SERINC2: variants seen among roughly 807,000 people sequenced by gnomAD.
SERINC2 encodes the protein tumor differentially expressed protein 2.
In SERINC2, 56 loss-of-function variants were observed where a neutral mutation model predicts 54.2. The observed-to-expected ratio is 1.03, with a 90% CI of 0.83 to 1.29. The LOEUF (loss-of-function observed/expected upper bound fraction) is 1.29, where lower values mean the gene tolerates loss of function less well. Among genes scored for constraint, SERINC2 ranks in the 50% most tolerant of loss-of-function variants. The pLI is 0.00. For synonymous variants in SERINC2, 272 were observed against 253.1 expected (o/e 1.07, Z -0.71); for missense variants, 614 against 607.4 (o/e 1.01, Z -0.12).
intron 8 of SERINC2, among the ~76,000 whole-genome samples, chr1:31,432,230 G>GGGTGGAGA (rs1553134789): frequency 2.0e-5 from 3 of 151,564 alleles, no homozygotes; most frequent in Non-Finnish European, 1.5e-5. Flanking sequence ...AGGGTGGATA[G>GGGTGGAGA]GGACCCACTG....
At position 31,433,016 on chromosome 1, in the gene SERINC2, G is replaced by C; in HGVS notation, c.1063G>C (p.Glu355Gln). 3.1e-6 allele frequency: 5 copies of C among 1,608,888 alleles called. No individual in the cohort carries two copies. The South Asian group carries it at 5.5e-5, about 18-fold the overall frequency. ...GGTGAACAGCCTGATGCAGACCGAG[G>C]AGTGCCCACCTATGCTAGACGCCAC... ...RQVNSLMQTE[E>Q]CPPMLDATQQ... Residue 355 changes from glutamate to glutamine, a missense_variant, in exon 9 of 10, where the codon GAG becomes CAG. Coordinates refer to ENST00000373709, the MANE Select transcript of SERINC2 (RefSeq NM_178865.5).
chr1:31,433,176 A>C lies in SERINC2; in HGVS notation c.1223A>C (p.Asn408Thr), dbSNP rs782741677. The change falls in exon 9 of 10, where the codon AAC becomes ACC. Residue 408 changes from asparagine to threonine, a missense_variant. Asn to Thr is a moderately conservative substitution (Grantham distance 65, BLOSUM62 0). Coordinates refer to ENST00000373709, the MANE Select transcript of SERINC2 (RefSeq NM_178865.5). Reference sequence around the variant, plus strand: ...CTGCACGTCATGATGACGCTCACCAACTGGTACAAGTGCGTAGCTGGTGGG... The same window carrying C: ...CTGCACGTCATGATGACGCTCACCACCTGGTACAAGTGCGTAGCTGGTGGG... ...ASLHVMMTLT[N>T]WYKPGETRKM... is the part of the protein sequence containing the mutation. The C allele has an allele frequency of 4.3e-6, 7 of 1,613,346 alleles. No individual in the cohort carries two copies. The highest frequency in any genetic ancestry group is 5.9e-6 in the Non-Finnish European group (7 of 1,179,852).
At chr1:31,425,286 G>T (rs1570046545) in intron 3 of SERINC2, 44 bp from the exon 4 acceptor site, 1 of 1,425,354 alleles carries the variant, frequency 7.0e-7, no homozygotes. Flanking sequence ...CAGTTTCCCT[G>T]CCTGCACTCA....
intron 6 of SERINC2, among the ~76,000 whole-genome samples, chr1:31,427,695 C>A (rs1641081766): frequency 6.6e-6 from 1 of 152,132 alleles, no homozygotes. Flanking sequence ...CCATCCTCAT[C>A]CTCACTTTGC....
intron 1 of SERINC2, chr1:31,414,399 G>T: frequency 2.6e-6 from 3 of 1,148,530 alleles, no homozygotes; most frequent in Middle Eastern, 3.6e-4. Context: ...CTCGGGACTC[G>T]CTTTCCTTTG....
intron 1 of SERINC2, chr1:31,415,908 GTGGGTCCTGCTT>G (rs1553132147): frequency 1.0e-6 from 1 of 985,490 alleles, no homozygotes; most frequent in African/African-American, 1.7e-5. Flanking sequence ...TGGGCTGAAG[GTGGGTCCTGCTT>G]TGGATGGGGA....
In SERINC2 at chr1:31,425,403, A is replaced by G; in HGVS notation, c.466A>G (p.Thr156Ala). 6.2e-7 allele frequency: 1 copy of G among 1,608,780 alleles called. No individual in the cohort carries two copies. Among genetic ancestry groups the G allele is most frequent in the Non-Finnish European group, 8.5e-7 (1 of 1,175,132 alleles). The stretch of plus-strand genomic sequence containing the variant: ...CTTCTACATTCCTGACGGCTCCTTC[A>G]CCAACAGTAGGCGGACTTGGCAGGA... ...GAFYIPDGSF[T>A]NIWFYFGVVG... The change falls in exon 4 of 10, where the codon ACC (threonine) becomes GCC (alanine). Residue 156 changes from threonine (T) to alanine (A), a missense_variant. Transcript: ENST00000373709.
At chr1:31,433,763 G>C (rs1641390233) in intron 9 of SERINC2, among the ~76,000 whole-genome samples, 2 of 152,060 alleles carry the variant, frequency 1.3e-5, no homozygotes, top group Admixed American at 6.6e-5. Flanking sequence ...CTAAGGTCAG[G>C]AGCTCCAGGG....
Position 31,414,257 on chromosome 1 carries a change from C to A in SERINC2, c.39+953C>A. 4.5e-6 allele frequency: 6 copies of A among 1,337,436 alleles called. No individual in the cohort carries two copies. The South Asian group carries it at 9.9e-5, about 22-fold the overall frequency. The allele number at this position is 1,337,436 out of a possible 1,614,324, so 82.8% of individuals were successfully genotyped here. ...CCGGCTGGGAGGCCCGTTCTCCCTT[C>A]CCTTTCCCCAGCCCCCCTCTCCTTT... On this transcript the variant is annotated intron_variant, in intron 1 of 9. Coordinates refer to ENST00000373709, the MANE Select transcript of SERINC2 (RefSeq NM_178865.5).
intron 8 of SERINC2, among the ~76,000 whole-genome samples, chr1:31,432,132 GGTGGAC>G (rs1641295218): frequency 7.8e-6 from 1 of 127,974 alleles, no homozygotes; most frequent in Non-Finnish European, 1.7e-5. Context: ...GGGTGGATAG[GGTGGAC>G]AGGGTGGACA....
At position 31,413,789 on chromosome 1, in the gene SERINC2, C is replaced by T; in HGVS notation, c.39+485C>T. Reference sequence around the variant, plus strand: ...CGCCTGCCAGTCCGCCTGTTCCTGTCGCTCGGGCTCCGCCTGTCCGTTCGT... The same window carrying T: ...CGCCTGCCAGTCCGCCTGTTCCTGTTGCTCGGGCTCCGCCTGTCCGTTCGT... On this transcript the variant is annotated intron_variant, in intron 1 of 9. Transcript: ENST00000373709. The surrounding 1 kb of genome is among the most constrained non-coding windows in gnomAD (Gnocchi z 5.0). The T allele has an allele frequency of 1.5e-6, 2 of 1,373,926 alleles. No homozygotes were observed. The highest frequency in any genetic ancestry group is 1.9e-6 in the Non-Finnish European group (2 of 1,070,502). The allele number at this position is 1,373,926 out of a possible 1,614,324, so 85.1% of individuals were successfully genotyped here. A position where few individuals can be genotyped will look rare whatever the true frequency, so the allele number is the denominator to read the frequency against.
chr1:31,418,351 AG>A (rs1640828758), intron 1 of SERINC2, among the ~76,000 whole-genome samples: 1 of 152,134 alleles, frequency 6.6e-6, no homozygotes, highest in South Asian at 2.1e-4. Flanking sequence ...ATATATATCC[AG>A]AAGTGGAGGG....
chr1:31,434,253 T>G lies in SERINC2; in HGVS notation c.*54T>G. The G allele has an allele frequency of 6.4e-7, 1 of 1,574,320 alleles. No homozygotes were observed. Among genetic ancestry groups the G allele is most frequent in the South Asian group, 1.2e-5 (1 of 86,566 alleles). ...CTCCTGCCACCTGGTGCCTCTCGGCTCAGTGACAGCCAACCTGCCCCCTCC... is the reference window on the plus strand; with the variant it reads ...CTCCTGCCACCTGGTGCCTCTCGGCGCAGTGACAGCCAACCTGCCCCCTCC... On this transcript the variant is annotated 3_prime_UTR_variant, in exon 10 of 10. Transcript: ENST00000373709.
Position 31,424,755 on chromosome 1 carries a change from C to A in SERINC2, c.274C>A (p.Leu92Ile). 1 of 1,611,440 alleles carries A rather than the reference C, an allele frequency of 6.2e-7. No individual in the cohort carries two copies. Among genetic ancestry groups the A allele is most frequent in the Non-Finnish European group, 8.5e-7 (1 of 1,179,042 alleles). ...LQGHIDCGSLLGYRAVYRMCF... is the reference protein window; with the variant it reads ...LQGHIDCGSLIGYRAVYRMCF... ...GGGCCACATCGACTGTGGCTCCCTG[C>A]TTGGCTACCGCGCTGTCTACCGCAT... is the stretch of plus-strand genomic sequence containing the variant. Residue 92 changes from leucine (L) to isoleucine (I), a missense_variant, in exon 3 of 10, where the codon CTT (leucine) becomes ATT (isoleucine). By Grantham distance (5) the Leu-to-Ile change is conservative. Transcript: ENST00000373709.
In SERINC2 at chr1:31,434,472, C is replaced by G; in HGVS notation, c.*273C>G. 2.1e-6 allele frequency: 1 copy of G among 479,658 alleles called. No individual in the cohort carries two copies. Among genetic ancestry groups the G allele is most frequent in the East Asian group, 3.5e-5 (1 of 28,784 alleles). 29.7% of individuals were successfully genotyped at this position (479,658 alleles called of 1,614,324 possible). A position where few individuals can be genotyped will look rare whatever the true frequency, so the allele number is the denominator to read the frequency against. ...CCTCCCTGTTGCCCATACTCAGCAT[C>G]TCGGATGAAAGGGCTCCCTTGTCCT... On this transcript the variant is annotated 3_prime_UTR_variant, in exon 10 of 10. Transcript: ENST00000373709.
intron 1 of SERINC2, chr1:31,415,837 C>T: frequency 1.0e-6 from 1 of 985,160 alleles, no homozygotes; most frequent in Admixed American, 6.1e-5. Flanking sequence ...TTTGTATCCT[C>T]CCAGGTGTGA....
intron 8 of SERINC2, among the ~76,000 whole-genome samples, 176 bp downstream of exon 8, chr1:31,429,714 G>C (rs781984145): frequency 3.9e-5 from 6 of 152,240 alleles, no homozygotes; most frequent in Non-Finnish European, 7.3e-5. Flanking sequence ...TGGCATGAGT[G>C]GGCAACAGAG....
At chr1:31,433,207 G>A in intron 9 of SERINC2, 22 bp downstream of exon 9, 1 of 1,604,192 alleles carries the variant, frequency 6.2e-7, no homozygotes, top group Non-Finnish European at 8.5e-7. Flanking sequence ...GTGGGGCATG[G>A]ACAGAGCCCG....
upstream of SERINC2, chr1:31,410,397 A>C (rs971797026): frequency 8.4e-6 from 13 of 1,546,992 alleles, no homozygotes; most frequent in African/African-American, 1.5e-4. Flanking sequence ...GAGAAGCATG[A>C]GGCTGAGAGA....
Sources: allele counts gnomAD v4.1 joint callset (sites outside exome capture counted in the v4.1 genomes callset), GRCh38; gene constraint gnomAD v4.1.1; non-coding constraint Gnocchi (gnomAD v3.1); transcripts MANE v1.5; gene names NCBI Gene and HGNC (gene_info 2026-07-23, HGNC 2026-07-21).